The following SRPK2 variants were observed in gnomAD, a reference collection of about 807,000 sequenced individuals.
The protein encoded by SRPK2 is SRSF protein kinase 2, also known as SFRS protein kinase 2.
SRPK2 carries 21 observed loss-of-function variants against 90.8 expected under a neutral mutation model. That is an observed-to-expected ratio of 0.23 (90% confidence interval 0.16 to 0.33). SRPK2 has a LOEUF of 0.33. Ranked by LOEUF, SRPK2 falls within the 10% of genes least tolerant of loss-of-function variation. SRPK2 has a pLI of 1.00. For synonymous variants in SRPK2, 288 were observed against 311.1 expected (o/e 0.93, Z 0.78); for missense variants, 620 against 869.0 (o/e 0.71, Z 3.60).
chr7:105,121,377 T>TA (rs551673852), intron 15 of SRPK2, among the ~76,000 whole-genome samples: 590 of 41,770 alleles, frequency 0.014, 15 homozygotes, highest in East Asian at 0.081. Context: ...TATGAAGACG[T>TA]AAAAAAAAAA....
At chr7:105,315,024 CCCA>C (rs1439359373) in intron 2 of SRPK2, among the ~76,000 whole-genome samples, 2 of 152,156 alleles carry the variant, frequency 1.3e-5, no homozygotes, top group African/African-American at 4.8e-5. Context: ...TGCCTGGAAT[CCCA>C]GCACTCTGGG....
At chr7:105,213,923 T>G (rs11978532) in intron 2 of SRPK2, among the ~76,000 whole-genome samples, 1 of 152,298 alleles carries the variant, frequency 6.6e-6, no homozygotes, top group Non-Finnish European at 1.5e-5. Context: ...CAACTACTAA[T>G]ATATAATGGA....
At chr7:105,246,252 A>G (rs2129628238) in intron 2 of SRPK2, among the ~76,000 whole-genome samples, 1 of 152,354 alleles carries the variant, frequency 6.6e-6, no homozygotes, top group Non-Finnish European at 1.5e-5. Flanking sequence ...GCCCCTAAGG[A>G]CAGCCATAAA....
intron 15 of SRPK2, among the ~76,000 whole-genome samples, chr7:105,123,275 T>C (rs1430242422): frequency 6.6e-6 from 1 of 152,288 alleles, no homozygotes; most frequent in East Asian, 1.9e-4. Flanking sequence ...GTAATGATCA[T>C]GACTTCTTAA....
chr7:105,148,507 A>AT (rs1361321869), intron 7 of SRPK2, among the ~76,000 whole-genome samples: 3 of 152,240 alleles, frequency 2.0e-5, no homozygotes, highest in African/African-American at 7.2e-5. Flanking sequence ...TACAAAACAG[A>AT]TCATGTTCTC....
intron 2 of SRPK2, among the ~76,000 whole-genome samples, chr7:105,335,174 AAAAT>A (rs1206708364): frequency 8.5e-5 from 13 of 152,366 alleles, no homozygotes; most frequent in Non-Finnish European, 1.5e-4. Flanking sequence ...TCCGTCTCAA[AAAAT>A]AAATAAATAA....
At chr7:105,265,805 C>T (rs1406397371) in intron 2 of SRPK2, among the ~76,000 whole-genome samples, 1 of 152,138 alleles carries the variant, frequency 6.6e-6, no homozygotes, top group Non-Finnish European at 1.5e-5. Flanking sequence ...TACTGTCTTG[C>T]AGCAAATATC....
Position 105,226,247 on chromosome 7 carries a change from AT to A in SRPK2, c.72-22463del, listed in dbSNP as rs916948021. On this transcript the variant is annotated intron_variant, in intron 2 of 15. Transcript: ENST00000393651. ...CAAAATGGAAGATATATTTTGCTTG[AT>A]TTTTTTTTTTAAAAAACGCACTATA... 3.8e-3 allele frequency among the ~76,000 whole-genome samples: 561 copies of A among 149,496 alleles called. 1 individual carries two copies. The highest frequency in any genetic ancestry group is 0.012 in the African/African-American group (498 of 40,968).
At chr7:105,323,617 C>T (rs1001996001) in intron 2 of SRPK2, among the ~76,000 whole-genome samples, 4 of 152,162 alleles carry the variant, frequency 2.6e-5, no homozygotes, top group African/African-American at 4.8e-5. Flanking sequence ...CAGCTACTTG[C>T]TACATACTTT....
chr7:105,170,032 T>C (rs956696138), intron 3 of SRPK2, among the ~76,000 whole-genome samples: 1 of 152,120 alleles, frequency 6.6e-6, no homozygotes, highest in Admixed American at 6.5e-5. Context: ...CCCAGGTTGG[T>C]CTTGAACTCC....
chr7:105,168,785 G>GTGT (rs374842359), intron 4 of SRPK2, among the ~76,000 whole-genome samples: 18 of 147,186 alleles, frequency 1.2e-4, no homozygotes, highest in East Asian at 4.0e-4. Context: ...GTGTGTGTAT[G>GTGT]GAGTAGCAAT....
At chr7:105,278,217 G>A (rs1029011975) in intron 2 of SRPK2, among the ~76,000 whole-genome samples, 3 of 151,490 alleles carry the variant, frequency 2.0e-5, no homozygotes, top group African/African-American at 7.3e-5. Flanking sequence ...TCAGGAGGCT[G>A]AGGCAGGAGA....
intron 2 of SRPK2, among the ~76,000 whole-genome samples, chr7:105,303,993 T>G (rs1776580991): frequency 6.6e-6 from 1 of 152,220 alleles, no homozygotes; most frequent in Admixed American, 6.5e-5. Context: ...TCAAAAGTTT[T>G]CATTACGACC....
intron 13 of SRPK2, among the ~76,000 whole-genome samples, chr7:105,130,812 A>T (rs1801894342): frequency 6.6e-6 from 1 of 151,974 alleles, no homozygotes; most frequent in Non-Finnish European, 1.5e-5. Flanking sequence ...CCAAAAAAAA[A>T]AAAACCTCCC....
chr7:105,386,466 C>A (rs1420827685), intron 2 of SRPK2, among the ~76,000 whole-genome samples: 1 of 152,180 alleles, frequency 6.6e-6, no homozygotes, highest in Admixed American at 6.6e-5. Flanking sequence ...GTAATCCCAG[C>A]TGTGTGGGAG....
chr7:105,350,613 T>TC (rs1308879962), intron 2 of SRPK2, among the ~76,000 whole-genome samples: 1 of 143,648 alleles, frequency 7.0e-6, no homozygotes, highest in Non-Finnish European at 1.5e-5. Flanking sequence ...AACCTCCGCC[T>TC]CCCCCGTTTC....
At chr7:105,148,387 A>C (rs1562988040) in intron 7 of SRPK2, among the ~76,000 whole-genome samples, 1 of 152,248 alleles carries the variant, frequency 6.6e-6, no homozygotes, top group Non-Finnish European at 1.5e-5. Flanking sequence ...ATATTAAAAC[A>C]ATCAAAAACT....
chr7:105,277,412 C>A (rs900393818), intron 2 of SRPK2, among the ~76,000 whole-genome samples: 1 of 152,172 alleles, frequency 6.6e-6, no homozygotes, highest in Non-Finnish European at 1.5e-5. Flanking sequence ...CGCTGAAATG[C>A]AAAAGGCCCG....
chr7:105,258,009 A>G (rs1340436354), intron 2 of SRPK2, among the ~76,000 whole-genome samples: 1 of 151,556 alleles, frequency 6.6e-6, no homozygotes, highest in African/African-American at 2.4e-5. Context: ...CTGGAGGGGG[A>G]GGCAGGATAA....
Sources: gnomAD v4.1 joint callset for allele counts (sites outside exome capture counted in the v4.1 genomes callset) on GRCh38, gnomAD v4.1.1 for gene constraint, MANE v1.5 for transcripts, NCBI Gene and HGNC (gene_info 2026-07-23, HGNC 2026-07-21) for gene names.